CSNK1G2: variants seen among roughly 807,000 people sequenced by gnomAD.
The protein encoded by CSNK1G2 is casein kinase I isoform gamma-2.
A neutral mutation model predicts 48.0 loss-of-function variants in CSNK1G2; 11 were observed. That is an observed-to-expected ratio of 0.23 (90% CI 0.14 to 0.38). CSNK1G2 has a LOEUF of 0.38. Among genes scored for constraint, CSNK1G2 ranks in the 10% least tolerant of loss-of-function variants. The pLI, the probability that CSNK1G2 is intolerant of heterozygous loss-of-function variation, is 1.00. For synonymous variants in CSNK1G2, 337 were observed against 254.1 expected (o/e 1.33, Z -3.10); for missense variants, 446 against 595.5 (o/e 0.75, Z 2.61).
intron 2 of CSNK1G2, chr19:1,975,438 C>G (rs997414790): frequency 9.9e-5 from 98 of 985,380 alleles, no homozygotes; most frequent in Non-Finnish European, 1.1e-4. Context: ...CGGAACTCCG[C>G]TCTGGAGAGT....
intron 1 of CSNK1G2, among the ~76,000 whole-genome samples, chr19:1,956,162 C>T (rs992179011): frequency 9.9e-5 from 15 of 152,242 alleles, no homozygotes; most frequent in South Asian, 8.3e-4. Context: ...ACCACCCAGA[C>T]GAGGGGCCGG....
rs1172548243 is a variant in CSNK1G2, at chr19:1,978,090, G to T, written c.188-215G>T. Among the ~76,000 whole-genome samples the T allele has an allele frequency of 3.3e-5, 5 of 152,142 alleles. No homozygotes were observed. In the East Asian group the frequency reaches 9.6e-4, roughly 29 times the overall value. ...GAGGAGTGGCAGACACTGAGGCGGT[G>T]ACCACACGGGCAGGGTGCAGGTGTC... On this transcript the variant is annotated intron_variant, in intron 2 of 11. Coordinates refer to ENST00000255641, the MANE Select transcript of CSNK1G2 (RefSeq NM_001319.7). The surrounding 1 kb of genome is among the most constrained non-coding windows in gnomAD (Gnocchi z 7.3).
intron 1 of CSNK1G2, among the ~76,000 whole-genome samples, chr19:1,961,658 G>A (rs867907736): frequency 3.5e-4 from 53 of 152,222 alleles, no homozygotes; most frequent in Non-Finnish European, 6.3e-4. Flanking sequence ...GATGAGCTGC[G>A]GTGGGGGGTG....
At chr19:1,971,601 T>C (rs921581333) in intron 2 of CSNK1G2, among the ~76,000 whole-genome samples, 1 of 151,982 alleles carries the variant, frequency 6.6e-6, no homozygotes, top group African/African-American at 2.4e-5. Context: ...GCACACAGGC[T>C]CATCTGCACA....
chr19:1,964,724 T>TG (rs1475162366), intron 1 of CSNK1G2, among the ~76,000 whole-genome samples: 1 of 126,242 alleles, frequency 7.9e-6, no homozygotes, highest in East Asian at 2.8e-4. Flanking sequence ...AAAAAGTTTT[T>TG]GTTTTTTTGT....
chr19:1,966,478 G>A (rs1354209289), intron 1 of CSNK1G2, among the ~76,000 whole-genome samples: 1 of 152,162 alleles, frequency 6.6e-6, no homozygotes, highest in Non-Finnish European at 1.5e-5. Flanking sequence ...GGTGAGCAGG[G>A]GAGTTGCTTC....
chr19:1,978,720 C>T lies in CSNK1G2; in HGVS notation c.417C>T (p.Leu139=). Residue 139 remains leucine, a synonymous_variant, in exon 5 of 12, where the codon CTC becomes CTT. Transcript: ENST00000255641. This position sits in a 1 kb window ranked among gnomAD's most constrained non-coding sequence, Gnocchi z 7.3. The part of the protein sequence containing the change: ...LFDLCDRTFT[L]KTVLMIAIQL... The stretch of plus-strand genomic sequence containing the variant: ...ACCTGTGCGACCGGACCTTCACGCT[C>T]AAGACGGTGCTGATGATCGCCATCC... 2 of 1,587,160 alleles carry T rather than the reference C, an allele frequency of 1.3e-6. No individual in the cohort carries two copies. The highest frequency in any genetic ancestry group is 1.7e-6 in the Non-Finnish European group (2 of 1,166,190).
At chr19:1,967,091 G>A (rs1005857889) in intron 1 of CSNK1G2, among the ~76,000 whole-genome samples, 5 of 152,066 alleles carry the variant, frequency 3.3e-5, no homozygotes, top group African/African-American at 7.2e-5. Context: ...CCTAGACCAC[G>A]GTATACTGTG....
At chr19:1,959,749 G>A (rs182932086) in intron 1 of CSNK1G2, among the ~76,000 whole-genome samples, 1 of 91,500 alleles carries the variant, frequency 1.1e-5, no homozygotes, top group Non-Finnish European at 1.9e-5. Context: ...CACCTTTAGT[G>A]CCACCGTGGG....
At chr19:1,961,801 T>G (rs1247323737) in intron 1 of CSNK1G2, among the ~76,000 whole-genome samples, 1 of 152,242 alleles carries the variant, frequency 6.6e-6, no homozygotes, top group Non-Finnish European at 1.5e-5. Context: ...TGGGTGTTTC[T>G]GGATGTTTGG....
At chr19:1,956,850 C>T (rs1028332795) in intron 1 of CSNK1G2, among the ~76,000 whole-genome samples, 6 of 152,176 alleles carry the variant, frequency 3.9e-5, no homozygotes, top group Non-Finnish European at 7.3e-5. Flanking sequence ...CCAGGAGGCT[C>T]GTTCCGGAAT....
At chr19:1,959,464 C>T (rs1238448472) in intron 1 of CSNK1G2, among the ~76,000 whole-genome samples, 1 of 150,178 alleles carries the variant, frequency 6.7e-6, no homozygotes, top group Non-Finnish European at 1.5e-5. Context: ...GCGGCTGAGC[C>T]CCCAGCACCC....
intron 1 of CSNK1G2, among the ~76,000 whole-genome samples, chr19:1,969,158 G>A (rs1316776600): frequency 6.6e-6 from 1 of 152,184 alleles, no homozygotes; most frequent in Non-Finnish European, 1.5e-5. Context: ...CCTGGCTTCA[G>A]GATCCTCAGG....
intron 2 of CSNK1G2, among the ~76,000 whole-genome samples, chr19:1,971,488 C>T (rs1176490640): frequency 3.3e-5 from 5 of 152,270 alleles, no homozygotes; most frequent in Non-Finnish European, 7.3e-5. Flanking sequence ...CTCAGACACA[C>T]GTGCAGACAC....
chr19:1,958,439 GTCCCCTGTCCCCCCATC>G (rs1238003783), intron 1 of CSNK1G2, among the ~76,000 whole-genome samples: 2 of 149,392 alleles, frequency 1.3e-5, no homozygotes, highest in Non-Finnish European at 3.0e-5. Context: ...CCCAGGCACT[GTCCCCTGTCCCCCCATC>G]TCCCCTGTCC....
chr19:1,953,906 G>T (rs1265759391), intron 1 of CSNK1G2: 1 of 534,126 alleles, frequency 1.9e-6, no homozygotes, highest in Admixed American at 1.9e-5. Flanking sequence ...GAGGCCGGCT[G>T]TCCTCGTGGG....
chr19:1,952,821 C>T (rs1464210469), intron 1 of CSNK1G2: 2 of 330,914 alleles, frequency 6.0e-6, no homozygotes, highest in Admixed American at 5.2e-5. Flanking sequence ...CTAGGGCTCC[C>T]CGGGGAGTTA....
At chr19:1,953,260 C>T in intron 1 of CSNK1G2, 1 of 401,234 alleles carries the variant, frequency 2.5e-6, no homozygotes, top group Non-Finnish European at 5.0e-6. Context: ...CCCTGCCCCC[C>T]TGGCAAGACC....
chr19:1,949,251 C>A (rs143212294), intron 1 of CSNK1G2, among the ~76,000 whole-genome samples: 1 of 152,328 alleles, frequency 6.6e-6, no homozygotes, highest in Non-Finnish European at 1.5e-5. Flanking sequence ...ACCATCCTTT[C>A]CAGAACCTTC....
Sources: gnomAD v4.1 joint callset for allele counts (sites outside exome capture counted in the v4.1 genomes callset) on GRCh38, gnomAD v4.1.1 for gene constraint, Gnocchi (gnomAD v3.1) non-coding constraint, MANE v1.5 for transcripts, NCBI Gene and HGNC (gene_info 2026-07-23, HGNC 2026-07-21) for gene names.